ORC3: variants seen among roughly 807,000 people sequenced by gnomAD.
The protein encoded by ORC3 is homolog of latheo, Drosophila.
In ORC3, 78 loss-of-function variants were observed where a neutral mutation model predicts 100.7. The ratio of observed to expected loss-of-function variants is 0.77; its 90% CI spans 0.65 to 0.94. The LOEUF is 0.94. ORC3 is among the 40% of genes least tolerant of loss of function. The pLI is 0.00. For synonymous variants in ORC3, 295 were observed against 289.3 expected, an observed-to-expected ratio of 1.02 and a Z score of -0.20; for missense variants, 789 against 823.9, an observed-to-expected ratio of 0.96 and a Z score of 0.52.
At chr6:87,622,784 C>G (rs1156853671) in intron 11 of ORC3, among the ~76,000 whole-genome samples, 1 of 152,080 alleles carries the variant, frequency 6.6e-6, no homozygotes, top group Non-Finnish European at 1.5e-5. Context: ...TTACAATATT[C>G]TGCACCTTGT....
At chr6:87,631,980 C>T (rs1383113453) in intron 11 of ORC3, among the ~76,000 whole-genome samples, 6 of 151,626 alleles carry the variant, frequency 4.0e-5, no homozygotes, top group Non-Finnish European at 8.8e-5. Flanking sequence ...CTGGCCAACC[C>T]AGTGAAACCC....
intron 13 of ORC3, among the ~76,000 whole-genome samples, chr6:87,641,432 T>G (rs1463593549): frequency 6.6e-6 from 1 of 152,190 alleles, no homozygotes; most frequent in Admixed American, 6.5e-5. Context: ...GTGGCCAGTA[T>G]TACATGTTCA....
chr6:87,673,153 A>C, the ORC3 span, among the ~76,000 whole-genome samples: 44 of 141,364 alleles, frequency 3.1e-4, no homozygotes, highest in African/African-American at 1.1e-3. Flanking sequence ...AAAAAAAAAA[A>C]ATTTTTTTTT....
At chr6:87,651,290 C>T in intron 13 of ORC3, 1 of 456,312 alleles carries the variant, frequency 2.2e-6, no homozygotes, top group Non-Finnish European at 4.4e-6. Flanking sequence ...GTTAGATCTT[C>T]TGCCAGCAGA....
Position 87,667,276 on chromosome 6 carries a change from A to C in ORC3, c.*153A>C, listed in dbSNP as rs1770715379. 1 of 535,894 alleles carries C rather than the reference A, an allele frequency of 1.9e-6. No homozygotes were observed. Among genetic ancestry groups the C allele is most frequent in the Admixed American group, 3.6e-5 (1 of 27,878 alleles). The allele number at this position is 535,894 out of a possible 1,614,324, so 33.2% of individuals were successfully genotyped here. On this transcript the variant is annotated 3_prime_UTR_variant, in exon 20 of 20. Transcript: ENST00000392844. ...ACCAGAAAAGTACATTGCTAACCCC[A>C]AACAGGCATGTATCAAAACACCTGT...
intron 1 of ORC3, among the ~76,000 whole-genome samples, chr6:87,592,576 C>T (rs1032046716): frequency 6.6e-5 from 10 of 151,878 alleles, no homozygotes; most frequent in African/African-American, 2.2e-4. Flanking sequence ...TTACAGTGAG[C>T]CAAGATTGTG....
chr6:87,633,474 T>C (rs1050428627), intron 11 of ORC3, among the ~76,000 whole-genome samples: 1 of 152,204 alleles, frequency 6.6e-6, no homozygotes, highest in African/African-American at 2.4e-5. Flanking sequence ...GGAAAACATT[T>C]AGGTGCTAAA....
downstream of ORC3, among the ~76,000 whole-genome samples, chr6:87,669,023 G>A (rs1317726018): frequency 6.6e-6 from 1 of 152,174 alleles, no homozygotes; most frequent in South Asian, 2.1e-4. Context: ...TGGGCGTGGT[G>A]GCACACGCCT....
intron 9 of ORC3, among the ~76,000 whole-genome samples, chr6:87,617,207 ATGTGTGTG>A (rs145680871): frequency 6.6e-6 from 1 of 150,474 alleles, no homozygotes; most frequent in African/African-American, 2.4e-5. Flanking sequence ...TGGACCATGC[ATGTGTGTG>A]TGTGTGTGTG....
rs1167242658 is a variant in ORC3, at chr6:87,612,134, C to G, written c.759C>G (p.Ala253=). ...CACTAATACTCATTTTTGGAATAGC[C>G]ACATCTCCTATTATCATCCACCGAT... ...EFPLILIFGI[A]TSPIIIHRLL... The change falls in exon 8 of 20, where the codon GCC becomes GCG. Residue 253 remains alanine (A), a synonymous_variant. Coordinates refer to ENST00000392844, the MANE Select transcript of ORC3 (RefSeq NM_012381.4). 6 of 1,613,316 alleles carry G rather than the reference C, an allele frequency of 3.7e-6. No homozygotes were observed. In the East Asian group the frequency reaches 1.3e-4, roughly 36 times the overall value.
Position 87,612,268 on chromosome 6 carries a change from C to G in ORC3, c.873+20C>G, listed in dbSNP as rs375401676. ...GATAAGGTAAAAAGAATAAGTTTTA[C>G]CAGTGAAATAGGATGAAAAGAAAAC... On this transcript the variant is annotated intron_variant, in intron 8 of 19. Coordinates refer to ENST00000392844, the MANE Select transcript of ORC3 (RefSeq NM_012381.4). The G allele has an allele frequency of 3.8e-6, 6 of 1,560,720 alleles. No individual in the cohort carries two copies. The highest frequency in any genetic ancestry group is 5.2e-6 in the Non-Finnish European group (6 of 1,152,524).
chr6:87,677,780 C>T, the ORC3 span: 6 of 1,596,956 alleles, frequency 3.8e-6, no homozygotes, highest in African/African-American at 4.0e-5. Flanking sequence ...TTTCACACAA[C>T]TGAGTTCCTC....
At chr6:87,628,035 G>T (rs1036507220) in intron 11 of ORC3, among the ~76,000 whole-genome samples, 2 of 152,206 alleles carry the variant, frequency 1.3e-5, no homozygotes, top group Non-Finnish European at 2.9e-5. Context: ...CTATATGTCA[G>T]CTTTGAATTT....
chr6:87,656,597 A>T (rs1259484483), intron 14 of ORC3, among the ~76,000 whole-genome samples: 9 of 148,512 alleles, frequency 6.1e-5, no homozygotes, highest in African/African-American at 1.2e-4. Flanking sequence ...AAAAAAAAAA[A>T]TTTTTTTTTT....
chr6:87,674,036 G>A, the ORC3 span, among the ~76,000 whole-genome samples: 2 of 152,068 alleles, frequency 1.3e-5, no homozygotes, highest in African/African-American at 4.8e-5. Context: ...CTGGCTGGGC[G>A]CAGTGGCTCA....
chr6:87,638,641 A>G (rs1248703955), intron 13 of ORC3, among the ~76,000 whole-genome samples: 1 of 152,226 alleles, frequency 6.6e-6, no homozygotes, highest in East Asian at 1.9e-4. Flanking sequence ...TTCAAATTTC[A>G]AAACTTTATG....
chr6:87,664,687 T>C, intron 17 of ORC3, 56 bp from the exon 18 acceptor site: 2 of 1,416,684 alleles, frequency 1.4e-6, no homozygotes, highest in South Asian at 2.3e-5. Context: ...TAATGTCTGA[T>C]TTTATTCCTA....
At chr6:87,595,492 C>T (rs1353710244) in intron 2 of ORC3, 2 of 152,114 alleles carry the variant, frequency 1.3e-5, no homozygotes, top group African/African-American at 4.8e-5. Flanking sequence ...CTCTCACTAG[C>T]CTGAGGGAAG....
chr6:87,637,715 T>C (rs1478330325), intron 13 of ORC3, among the ~76,000 whole-genome samples: 1 of 152,234 alleles, frequency 6.6e-6, no homozygotes, highest in East Asian at 1.9e-4. Context: ...TTGTTCTTTT[T>C]GTTCTGAACC....
Sources: gnomAD v4.1 joint callset for allele counts (sites outside exome capture counted in the v4.1 genomes callset) on GRCh38, gnomAD v4.1.1 for gene constraint, MANE v1.5 for transcripts, NCBI Gene and HGNC (gene_info 2026-07-23, HGNC 2026-07-21) for gene names.